MACROD2: variants seen among roughly 807,000 people sequenced by gnomAD.
MACROD2 encodes mono-ADP ribosylhydrolase 2.
In MACROD2, 36 loss-of-function variants were observed where a neutral mutation model predicts 70.4. The observed-to-expected ratio is 0.51, with a 90% confidence interval of 0.39 to 0.68. The LOEUF (loss-of-function observed/expected upper bound fraction) is 0.68, where lower values mean the gene tolerates loss of function less well. Among genes scored for constraint, MACROD2 ranks in the 30% least tolerant of loss-of-function variants. The probability of loss-of-function intolerance (pLI) is 0.00; values close to 1 mark genes in which losing one functional copy is unlikely to be tolerated. For synonymous variants in MACROD2, 172 were observed against 178.8 expected (o/e 0.96, Z 0.30); for missense variants, 496 against 538.4 (o/e 0.92, Z 0.78).
chr20:15,896,365 ACT>A (rs1040363868), intron 10 of MACROD2, among the ~76,000 whole-genome samples: 2 of 152,144 alleles, frequency 1.3e-5, no homozygotes, highest in African/African-American at 4.8e-5. Flanking sequence ...TAGAAAACAA[ACT>A]CACCTAGATT....
intron 5 of MACROD2, among the ~76,000 whole-genome samples, chr20:15,144,844 T>C (rs62202827): frequency 0.082 from 12,442 of 152,232 alleles, 612 homozygotes; most frequent in Middle Eastern, 0.15. Flanking sequence ...CTATATTCTG[T>C]TCTATAGTAC....
chr20:15,137,316 C>T (rs1463992052), intron 5 of MACROD2, among the ~76,000 whole-genome samples: 2 of 152,082 alleles, frequency 1.3e-5, no homozygotes, highest in Non-Finnish European at 2.9e-5. Flanking sequence ...ACCCAGATGT[C>T]CAACAATGAT....
chr20:14,293,020 A>G lies in MACROD2; in HGVS notation c.272-200459A>G, dbSNP rs545323602. Among the ~76,000 whole-genome samples the G allele has an allele frequency of 3.6e-4, 55 of 151,902 alleles. 1 individual carries two copies. The highest frequency in any genetic ancestry group is 6.8e-4 in the Non-Finnish European group (46 of 68,014). Reference sequence around the variant, plus strand: ...CCAGGCACTAGGCTAAGCAGTGGGGATACAGAGAGATAGTATCCGCTCTTG... The same window carrying G: ...CCAGGCACTAGGCTAAGCAGTGGGGGTACAGAGAGATAGTATCCGCTCTTG... On this transcript the variant is annotated intron_variant, in intron 3 of 17. Coordinates refer to ENST00000684519, the MANE Select transcript of MACROD2 (RefSeq NM_001351661.2).
At position 15,481,032 on chromosome 20, in the gene MACROD2, A is replaced by G. The variant is rs368121345; in HGVS notation, c.572-18742A>G. On this transcript the variant is annotated intron_variant, in intron 7 of 17. Coordinates refer to ENST00000684519, the MANE Select transcript of MACROD2 (RefSeq NM_001351661.2). ...AATCCTATTTCCTACCTAGACCCTG[A>G]TGGTTACACTTTACTTTCTCTAACC... Among the ~76,000 whole-genome samples the G allele has an allele frequency of 6.6e-5, 10 of 152,288 alleles. No individual in the cohort carries two copies. The East Asian group carries it at 1.7e-3, about 26-fold the overall frequency.
At chr20:14,867,826 G>A (rs2073444503) in intron 5 of MACROD2, among the ~76,000 whole-genome samples, 1 of 151,894 alleles carries the variant, frequency 6.6e-6, no homozygotes, top group Non-Finnish European at 1.5e-5. Flanking sequence ...CTGATATTGT[G>A]GTGTCACCTC....
intron 4 of MACROD2, among the ~76,000 whole-genome samples, chr20:14,645,638 C>T (rs1333265085): frequency 3.3e-5 from 5 of 151,916 alleles, no homozygotes; most frequent in African/African-American, 7.2e-5. Context: ...TCTAGAGCAT[C>T]GCCATAATGT....
intron 6 of MACROD2, among the ~76,000 whole-genome samples, chr20:15,360,554 T>C (rs2078340322): frequency 6.6e-6 from 1 of 152,166 alleles, no homozygotes; most frequent in Non-Finnish European, 1.5e-5. Flanking sequence ...ATAAATACAA[T>C]TAAAAGTTTA....
intron 2 of MACROD2, among the ~76,000 whole-genome samples, chr20:14,079,411 G>T (rs1027294707): frequency 1.3e-5 from 2 of 152,164 alleles, no homozygotes; most frequent in African/African-American, 4.8e-5. Flanking sequence ...TAATAAATAA[G>T]ATAATTTTTA....
At chr20:14,035,913 C>T (rs189813633) in intron 2 of MACROD2, among the ~76,000 whole-genome samples, 3,906 of 152,294 alleles carry the variant, frequency 0.026, 70 homozygotes, top group Non-Finnish European at 0.039. Context: ...GAGGCCAAGG[C>T]GGGCGGATCA....
chr20:14,791,371 A>G (rs2072449044), intron 5 of MACROD2, among the ~76,000 whole-genome samples: 1 of 152,090 alleles, frequency 6.6e-6, no homozygotes, highest in Non-Finnish European at 1.5e-5. Context: ...TTGGATACTT[A>G]CAAAAGATGT....
At chr20:14,257,588 T>C (rs1477699580) in intron 3 of MACROD2, among the ~76,000 whole-genome samples, 1 of 152,178 alleles carries the variant, frequency 6.6e-6, no homozygotes, top group African/African-American at 2.4e-5. Flanking sequence ...CTTAAAAATC[T>C]GAGGTACCCC....
At chr20:14,524,509 T>C (rs2085207189) in intron 4 of MACROD2, among the ~76,000 whole-genome samples, 1 of 142,218 alleles carries the variant, frequency 7.0e-6, no homozygotes, top group Non-Finnish European at 1.5e-5. Context: ...AATCTCACTT[T>C]TGTTTTGTTT....
At chr20:15,957,570 G>C (rs1270151625) in intron 12 of MACROD2, among the ~76,000 whole-genome samples, 1 of 152,058 alleles carries the variant, frequency 6.6e-6, no homozygotes, top group African/African-American at 2.4e-5. Context: ...CCTGTTCTCA[G>C]CTGACTTTGG....
intron 6 of MACROD2, among the ~76,000 whole-genome samples, chr20:15,277,240 T>G (rs2077401808): frequency 6.6e-6 from 1 of 152,194 alleles, no homozygotes; most frequent in Non-Finnish European, 1.5e-5. Flanking sequence ...CCTATATGAT[T>G]CATTATAAAA....
At chr20:14,875,503 A>C (rs1295124061) in intron 5 of MACROD2, among the ~76,000 whole-genome samples, 1 of 152,102 alleles carries the variant, frequency 6.6e-6, no homozygotes, top group African/African-American at 2.4e-5. Context: ...AAATAATTTC[A>C]ACTTTTATTT....
At chr20:13,998,480 T>C (rs956201612) in intron 1 of MACROD2, among the ~76,000 whole-genome samples, 24 of 152,288 alleles carry the variant, frequency 1.6e-4, no homozygotes, top group African/African-American at 5.5e-4. Context: ...TTTAACCTGC[T>C]CAGTAATATT....
chr20:15,781,092 C>G (rs2051823385), intron 8 of MACROD2, among the ~76,000 whole-genome samples: 2 of 152,056 alleles, frequency 1.3e-5, no homozygotes, highest in African/African-American at 2.4e-5. Flanking sequence ...TTGAGTGGTT[C>G]TAAACACTGT....
intron 9 of MACROD2, among the ~76,000 whole-genome samples, chr20:15,872,953 C>G (rs1000123965): frequency 6.6e-6 from 1 of 152,072 alleles, no homozygotes; most frequent in Non-Finnish European, 1.5e-5. Flanking sequence ...TCTTCCATAA[C>G]TTAATTTTAA....
At chr20:14,764,452 G>A (rs116086271) in intron 5 of MACROD2, among the ~76,000 whole-genome samples, 1 of 152,072 alleles carries the variant, frequency 6.6e-6, no homozygotes, top group Non-Finnish European at 1.5e-5. Context: ...TTTCTTGCCA[G>A]ATTCCATGTG....
Sources: allele counts gnomAD v4.1 joint callset (sites outside exome capture counted in the v4.1 genomes callset), GRCh38; gene constraint gnomAD v4.1.1; transcripts MANE v1.5; gene names NCBI Gene and HGNC (gene_info 2026-07-23, HGNC 2026-07-21).